The following RYR2 variants were observed in gnomAD, a reference collection of about 807,000 sequenced individuals.
The protein encoded by RYR2 is cardiac muscle ryanodine receptor-calcium release channel.
RYR2 carries 227 observed loss-of-function variants against 601.1 expected under a neutral mutation model. The ratio of observed to expected loss-of-function variants is 0.38; its 90% CI spans 0.34 to 0.42. The LOEUF is 0.42. RYR2 is among the 10% of genes least tolerant of loss of function. The pLI is 1.00. For synonymous variants in RYR2, 2,223 were observed against 2,175.1 expected (o/e 1.02, Z -0.61); for missense variants, 4,646 against 6,156.5 (o/e 0.75, Z 8.21).
At chr1:237,193,821 T>A (rs913418781) in intron 1 of RYR2, among the ~76,000 whole-genome samples, 1 of 152,230 alleles carries the variant, frequency 6.6e-6, no homozygotes, top group Non-Finnish European at 1.5e-5. Context: ...AGCAAGACTT[T>A]GACCAGATTC....
intron 1 of RYR2, among the ~76,000 whole-genome samples, chr1:237,259,076 A>G (rs999846005): frequency 6.6e-6 from 1 of 152,064 alleles, no homozygotes; most frequent in Non-Finnish European, 1.5e-5. Context: ...TTTGGCTGAC[A>G]TTACCAAGGC....
At chr1:237,538,124 T>A (rs1668839184) in intron 25 of RYR2, among the ~76,000 whole-genome samples, 1 of 152,094 alleles carries the variant, frequency 6.6e-6, no homozygotes, top group Non-Finnish European at 1.5e-5. Flanking sequence ...GAGCAGTGGC[T>A]TACGCCTGTA....
rs147077947 is a variant in RYR2, at chr1:237,833,627, T to C, written c.*980T>C. The C allele has an allele frequency of 5.4e-4, 82 of 152,728 alleles. No homozygotes were observed. The highest frequency in any genetic ancestry group is 7.9e-4 in the Non-Finnish European group (54 of 68,024). 9.5% of individuals were successfully genotyped at this position (152,728 alleles called of 1,614,324 possible). A position where few individuals can be genotyped will look rare whatever the true frequency, so the allele number is the denominator to read the frequency against. On this transcript the variant is annotated 3_prime_UTR_variant, in exon 105 of 105. Transcript: ENST00000366574. ...AATTGTATATCTGGAGCCAGTGTCA[T>C]CCACCAACAATGTGATACAATATGA...
chr1:237,625,889 C>A, intron 40 of RYR2, 85 bp downstream of exon 40: 1 of 1,465,968 alleles, frequency 6.8e-7, no homozygotes, highest in Non-Finnish European at 9.2e-7. Context: ...ACTGGATGAG[C>A]CAGTGAGATA....
chr1:237,364,159 T>G (rs910342109), intron 4 of RYR2, among the ~76,000 whole-genome samples, 199 bp from the exon 5 acceptor site: 18 of 152,126 alleles, frequency 1.2e-4, no homozygotes, highest in Non-Finnish European at 1.5e-5. Context: ...TAAAGAGTTT[T>G]GCTTGCTACG....
chr1:237,559,784 C>T (rs192599677), intron 27 of RYR2, among the ~76,000 whole-genome samples: 10 of 152,212 alleles, frequency 6.6e-5, no homozygotes, highest in South Asian at 4.2e-4. Flanking sequence ...ACTCTGTATT[C>T]GCCCCTATTT....
intron 1 of RYR2, among the ~76,000 whole-genome samples, chr1:237,256,128 AT>A (rs1687946304): frequency 6.6e-6 from 1 of 152,078 alleles, no homozygotes; most frequent in Non-Finnish European, 1.5e-5. Flanking sequence ...AGTTTCCCCC[AT>A]ACTGTTATGG....
intron 88 of RYR2, among the ~76,000 whole-genome samples, chr1:237,780,124 A>G (rs536895161): frequency 2.7e-5 from 4 of 149,730 alleles, no homozygotes; most frequent in Admixed American, 1.3e-4. Flanking sequence ...ACAGTTAGAA[A>G]CTATATTTAT....
At chr1:237,486,857 A>C (rs1045456388) in intron 17 of RYR2, among the ~76,000 whole-genome samples, 1 of 152,172 alleles carries the variant, frequency 6.6e-6, no homozygotes, top group Non-Finnish European at 1.5e-5. Context: ...ATTTTATACA[A>C]ATGAATATAT....
At chr1:237,552,091 T>A (rs1670459280) in intron 27 of RYR2, among the ~76,000 whole-genome samples, 1 of 152,242 alleles carries the variant, frequency 6.6e-6, no homozygotes, top group Non-Finnish European at 1.5e-5. Context: ...ATATCCATAA[T>A]GCTAACATAA....
At chr1:237,780,531 A>G (rs1338678996) in intron 88 of RYR2, among the ~76,000 whole-genome samples, 1 of 152,216 alleles carries the variant, frequency 6.6e-6, no homozygotes, top group African/African-American at 2.4e-5. Flanking sequence ...AGAATAGTTT[A>G]AAAAATGGAT....
At chr1:237,829,588 T>A (rs1663544035) in intron 102 of RYR2, among the ~76,000 whole-genome samples, 1 of 152,156 alleles carries the variant, frequency 6.6e-6, no homozygotes. Flanking sequence ...AGAGACATCA[T>A]TGGAGTGGTA....
chr1:237,194,632 G>T (rs1680357006), intron 1 of RYR2, among the ~76,000 whole-genome samples: 1 of 152,196 alleles, frequency 6.6e-6, no homozygotes, highest in Admixed American at 6.5e-5. Flanking sequence ...CTCTGACCCT[G>T]ACCCAGAGGC....
At chr1:237,781,210 A>G (rs1275581175) in intron 88 of RYR2, among the ~76,000 whole-genome samples, 9 of 152,046 alleles carry the variant, frequency 5.9e-5, no homozygotes, top group Admixed American at 5.9e-4. Flanking sequence ...TACCCTGCCC[A>G]GATAAATTTT....
rs536204846 is a variant in RYR2, at chr1:237,127,417, AC to A, written c.48+84855del. On this transcript the variant is annotated intron_variant, in intron 1 of 104. Transcript: ENST00000366574. ...GGGCGGCTGGCCGGGCGGGGGGCTGACCCCCCCACCTCCCTCCCAGAAGGGG... is the reference window on the plus strand; with the variant it reads ...GGGCGGCTGGCCGGGCGGGGGGCTGACCCCCCACCTCCCTCCCAGAAGGGG... Among the ~76,000 whole-genome samples the A allele has an allele frequency of 4.3e-3, 593 of 136,430 alleles. 5 individuals are homozygous for A. The highest frequency in any genetic ancestry group is 0.016 in the African/African-American group (556 of 35,360). 89.5% of individuals were successfully genotyped at this position (136,430 alleles called of 152,430 possible). A position where few individuals can be genotyped will look rare whatever the true frequency, so the allele number is the denominator to read the frequency against.
chr1:237,558,476 T>G (rs1198375334), intron 27 of RYR2, among the ~76,000 whole-genome samples: 1 of 152,184 alleles, frequency 6.6e-6, no homozygotes, highest in Non-Finnish European at 1.5e-5. Flanking sequence ...GGCATTGACA[T>G]TAATCTTTTG....
chr1:237,670,217 G>T (rs1684794027), intron 58 of RYR2, among the ~76,000 whole-genome samples: 1 of 151,446 alleles, frequency 6.6e-6, no homozygotes, highest in African/African-American at 2.4e-5. Context: ...CAGGGAGGTT[G>T]CAGTGAGCCG....
intron 8 of RYR2, among the ~76,000 whole-genome samples, chr1:237,380,422 A>ATATATATATT (rs1214802373): frequency 1.7e-4 from 8 of 48,058 alleles, no homozygotes; most frequent in African/African-American, 5.6e-4. Flanking sequence ...ATATATATAT[A>ATATATATATT]GTAAATACGA....
chr1:237,694,885 G>A (rs7532996), intron 63 of RYR2, among the ~76,000 whole-genome samples: 96,334 of 152,060 alleles, frequency 0.63, 30,643 homozygotes, highest in Middle Eastern at 0.74. Flanking sequence ...AGAGAAATTT[G>A]TAAGTTCTGG....
Sources: gnomAD v4.1 joint callset for allele counts (sites outside exome capture counted in the v4.1 genomes callset) on GRCh38, gnomAD v4.1.1 for gene constraint, MANE v1.5 for transcripts, NCBI Gene and HGNC (gene_info 2026-07-23, HGNC 2026-07-21) for gene names.